PTPRT: variants seen among roughly 807,000 people sequenced by gnomAD.
PTPRT encodes receptor-type tyrosine-protein phosphatase T.
Under a neutral mutation model 176.8 loss-of-function variants are expected in PTPRT, and 56 were observed. The observed-to-expected ratio is 0.32, with a 90% confidence interval of 0.26 to 0.40. PTPRT has a LOEUF of 0.40. Ranked by LOEUF, PTPRT falls within the 10% of genes least tolerant of loss-of-function variation. The probability of loss-of-function intolerance (pLI) is 1.00; values close to 1 mark genes in which losing one functional copy is unlikely to be tolerated. For synonymous variants in PTPRT, 783 were observed against 739.0 expected (o/e 1.06, Z -0.96); for missense variants, 1,540 against 1,908.2 (o/e 0.81, Z 3.60).
intron 1 of PTPRT, among the ~76,000 whole-genome samples, chr20:42,956,542 C>G (rs1981649471): frequency 6.6e-6 from 1 of 152,088 alleles, no homozygotes; most frequent in African/African-American, 2.4e-5. Context: ...CAGCACCATG[C>G]TTTCTGGAAG....
intron 1 of PTPRT, among the ~76,000 whole-genome samples, chr20:43,010,497 T>C (rs1160353141): frequency 1.3e-5 from 2 of 152,192 alleles, no homozygotes; most frequent in Non-Finnish European, 2.9e-5. Flanking sequence ...CCCAAGAACT[T>C]ATATCAACCT....
chr20:42,179,775 G>T (rs1990438462), intron 16 of PTPRT, among the ~76,000 whole-genome samples: 1 of 152,172 alleles, frequency 6.6e-6, no homozygotes, highest in Non-Finnish European at 1.5e-5. Context: ...AGGGCCAAGG[G>T]ACTAAGTCTG....
At chr20:43,042,279 T>C (rs1057421092) in intron 1 of PTPRT, among the ~76,000 whole-genome samples, 2 of 152,212 alleles carry the variant, frequency 1.3e-5, no homozygotes, top group Admixed American at 1.3e-4. Flanking sequence ...AAATTCAGAA[T>C]GCAGAGGCTC....
At position 42,128,772 on chromosome 20, in the gene PTPRT, G is replaced by A; in HGVS notation, c.2829C>T (p.Ile943=). 1 of 1,604,692 alleles carries A rather than the reference G, an allele frequency of 6.2e-7. No homozygotes were observed. Among genetic ancestry groups the A allele is most frequent in the Middle Eastern group, 1.7e-4 (1 of 6,024 alleles). ...VLDGDPHSDY[I]NANYIDGYHR... is the part of the protein sequence containing the mutation. ...CACTCACGTCAATGTAGTTGGCATT[G>A]ATGTAGTCAGAGTGCGGGTCTCCAT... Residue 943 remains isoleucine (I), a synonymous_variant, in exon 19 of 31, where the codon ATC becomes ATT. Transcript: ENST00000373187.
Position 42,809,860 on chromosome 20 carries a change from C to A in PTPRT, c.215-18394G>T, listed in dbSNP as rs530312468. On this transcript the variant is annotated intron_variant, in intron 2 of 30. Transcript: ENST00000373187. ...TGCATCTGCAAAGATCTTTTTTCTA[C>A]ATAAGGTCACAGTCACAAGTTCCAG... Among the ~76,000 whole-genome samples, 12 of 152,282 alleles carry A rather than the reference C, an allele frequency of 7.9e-5. No homozygotes were observed. The East Asian group carries it at 2.3e-3, about 29-fold the overall frequency.
chr20:42,339,033 AT>A (rs1163281538), intron 11 of PTPRT, among the ~76,000 whole-genome samples: 1 of 152,194 alleles, frequency 6.6e-6, no homozygotes, highest in Non-Finnish European at 1.5e-5. Context: ...TTGCTGCAGC[AT>A]TTTGGCACTC....
chr20:42,267,173 G>T (rs1255943105), intron 13 of PTPRT, among the ~76,000 whole-genome samples: 1 of 152,198 alleles, frequency 6.6e-6, no homozygotes, highest in Non-Finnish European at 1.5e-5. Flanking sequence ...TTTCAGTACA[G>T]TATTCCATAA....
Position 42,754,199 on chromosome 20 carries a change from T to C in PTPRT, c.859+2263A>G, listed in dbSNP as rs955052299. Among the ~76,000 whole-genome samples the C allele has an allele frequency of 2.6e-5, 4 of 152,132 alleles. No homozygotes were observed. The East Asian group carries it at 5.8e-4, about 22-fold the overall frequency. On this transcript the variant is annotated intron_variant, in intron 6 of 30. Transcript: ENST00000373187. Reference sequence around the variant, plus strand: ...TAATAAATCTTCAAAAAAAATTTTTTTTTTGAGATGGAGTCTCGCTCAGCC... The same window carrying C: ...TAATAAATCTTCAAAAAAAATTTTTCTTTTGAGATGGAGTCTCGCTCAGCC...
chr20:43,103,325 G>A (rs2012467422), intron 1 of PTPRT, among the ~76,000 whole-genome samples: 2 of 152,298 alleles, frequency 1.3e-5, no homozygotes, highest in Non-Finnish European at 2.9e-5. Context: ...AACTGGCCCT[G>A]TGAGGTTAGA....
At chr20:42,714,229 G>T (rs2076190463) in intron 6 of PTPRT, among the ~76,000 whole-genome samples, 1 of 152,132 alleles carries the variant, frequency 6.6e-6, no homozygotes, top group Admixed American at 6.6e-5. Flanking sequence ...TAAGAATCAT[G>T]TGGAATAGAG....
intron 9 of PTPRT, among the ~76,000 whole-genome samples, chr20:42,439,783 C>G (rs2059295713): frequency 6.6e-6 from 1 of 152,240 alleles, no homozygotes; most frequent in Admixed American, 6.5e-5. Context: ...GCCCCCTCCC[C>G]TAGAGATTCT....
At chr20:42,091,811 A>G (rs956391530) in intron 27 of PTPRT, among the ~76,000 whole-genome samples, 2 of 151,938 alleles carry the variant, frequency 1.3e-5, no homozygotes, top group African/African-American at 2.4e-5. Context: ...GAGAGGGGGG[A>G]GAGAGAGAGA....
intron 27 of PTPRT, 129 bp downstream of exon 27, chr20:42,098,292 C>A (rs1985490043): frequency 1.5e-6 from 2 of 1,310,594 alleles, no homozygotes; most frequent in East Asian, 4.8e-5. Flanking sequence ...TGCTCGTGGC[C>A]AGACACTGCT....
chr20:42,867,929 G>A (rs892318372), intron 2 of PTPRT, among the ~76,000 whole-genome samples: 13 of 151,994 alleles, frequency 8.6e-5, no homozygotes, highest in Admixed American at 2.0e-4. Context: ...TGATCTGCCC[G>A]CCTTGGCCTC....
chr20:42,091,778 A>G (rs1380781296), intron 27 of PTPRT, among the ~76,000 whole-genome samples: 1 of 151,624 alleles, frequency 6.6e-6, no homozygotes, highest in African/African-American at 2.4e-5. Context: ...GAAGACAGGG[A>G]CAGAGGGAGA....
rs376797195 is a variant in PTPRT at position 42,161,526 on chromosome 20, C to T, written c.2508G>A (p.Gly836=). Residue 836 remains glycine, a synonymous_variant, in exon 17 of 31, where the codon GGG becomes GGA. Coordinates refer to ENST00000373187, the MANE Select transcript of PTPRT (RefSeq NM_007050.6). ...DVNGFTDGSR[G]ELSQPTLTIQ... is the part of the protein sequence containing the mutation. ...TCGTGAGGGTGGGCTGGGAAAGCTC[C>T]CCGCGGCTGCCATCTGCTTCGAAAA... is the stretch of plus-strand genomic sequence containing the variant. 11 of 1,609,102 alleles carry T rather than the reference C, an allele frequency of 6.8e-6. No individual in the cohort carries two copies. In the African/African-American group the frequency reaches 1.3e-4, roughly 20 times the overall value.
chr20:42,753,944 G>A (rs571375409), intron 6 of PTPRT, among the ~76,000 whole-genome samples: 48 of 152,266 alleles, frequency 3.2e-4, no homozygotes, highest in African/African-American at 1.1e-3. Flanking sequence ...ATAGCCACTG[G>A]TCACATTCTT....
chr20:42,885,700 C>T lies in PTPRT; in HGVS notation c.214+107G>A, dbSNP rs1191339221. On this transcript the variant is annotated intron_variant, in intron 2 of 30. Transcript: ENST00000373187. ...GGGAACTCACTACCTACAGAGCTAT[C>T]GATTGCCATCTCAGAGAGCTCAATG... The T allele has an allele frequency of 9.2e-6, 13 of 1,409,820 alleles. 1 individual carries two copies. The South Asian group carries it at 1.5e-4, about 16-fold the overall frequency. The allele number at this position is 1,409,820 out of a possible 1,614,324, so 87.3% of individuals were successfully genotyped here. A position where few individuals can be genotyped will look rare whatever the true frequency, so the allele number is the denominator to read the frequency against.
chr20:42,623,074 C>G (rs768011322), intron 7 of PTPRT, among the ~76,000 whole-genome samples: 1 of 152,220 alleles, frequency 6.6e-6, no homozygotes, highest in African/African-American at 2.4e-5. Context: ...CATTCCCCCT[C>G]TAGCTCCCCA....
Sources: allele counts gnomAD v4.1 joint callset (sites outside exome capture counted in the v4.1 genomes callset), GRCh38; gene constraint gnomAD v4.1.1; transcripts MANE v1.5; gene names NCBI Gene and HGNC (gene_info 2026-07-23, HGNC 2026-07-21).